The following EFNA5 variants were observed in gnomAD, a reference collection of about 807,000 sequenced individuals.
EFNA5 encodes ephrin-A5.
A neutral mutation model predicts 22.9 loss-of-function variants in EFNA5; 5 were observed. The observed-to-expected ratio is 0.22, with a 90% CI of 0.11 to 0.46. EFNA5 has a LOEUF of 0.46. Among genes scored for constraint, EFNA5 ranks in the 20% least tolerant of loss-of-function variants. The pLI, the probability that EFNA5 is intolerant of heterozygous loss-of-function variation, is 0.99. For synonymous variants in EFNA5, 113 were observed against 112.2 expected (o/e 1.01, Z -0.04); for missense variants, 237 against 293.3 (o/e 0.81, Z 1.40).
At chr5:107,539,386 G>A (rs1005921066) in intron 1 of EFNA5, among the ~76,000 whole-genome samples, 1 of 152,172 alleles carries the variant, frequency 6.6e-6, no homozygotes, top group African/African-American at 2.4e-5. Context: ...CTTAATCCAT[G>A]ACCACTACAA....
At chr5:107,393,691 GT>G (rs1375190285) in intron 2 of EFNA5, among the ~76,000 whole-genome samples, 4 of 152,110 alleles carry the variant, frequency 2.6e-5, no homozygotes, top group Non-Finnish European at 2.9e-5. Flanking sequence ...GCACGGCCCA[GT>G]TTTTTTCCCT....
chr5:107,523,296 CT>C (rs950722380), intron 1 of EFNA5, among the ~76,000 whole-genome samples: 45 of 146,124 alleles, frequency 3.1e-4, no homozygotes, highest in East Asian at 7.9e-4. Context: ...TATGTGCTTC[CT>C]TTTTTTTTTT....
intron 1 of EFNA5, among the ~76,000 whole-genome samples, chr5:107,648,702 A>ATGTC (rs1273524606): frequency 8.5e-5 from 13 of 152,174 alleles, no homozygotes; most frequent in South Asian, 2.1e-4. Context: ...AGTTGAATAT[A>ATGTC]TGTCACACAT....
At chr5:107,387,554 AT>A in intron 3 of EFNA5, 151 bp downstream of exon 3, 1 of 670,028 alleles carries the variant, frequency 1.5e-6, no homozygotes, top group South Asian at 2.0e-5. Context: ...ATGAGAAAAA[AT>A]ATGATGAAAA....
Position 107,411,377 on chromosome 5 carries a change from AG to A in EFNA5, c.418+15839del, listed in dbSNP as rs567085410. On this transcript the variant is annotated intron_variant, in intron 2 of 4. Coordinates refer to ENST00000333274, the MANE Select transcript of EFNA5 (RefSeq NM_001962.3). ...GAACTCCTCTTTCCTTATCTCATGC[AG>A]TCTTGGAGCTGTCGGTCAAAGTATT... Among the ~76,000 whole-genome samples the A allele has an allele frequency of 3.1e-3, 473 of 152,356 alleles. 1 individual carries two copies. Among genetic ancestry groups the A allele is most frequent in the Non-Finnish European group, 4.6e-3 (313 of 68,032 alleles).
At chr5:107,571,034 TTC>T (rs1291785433) in intron 1 of EFNA5, among the ~76,000 whole-genome samples, 3 of 151,846 alleles carry the variant, frequency 2.0e-5, no homozygotes, top group Non-Finnish European at 4.4e-5. Context: ...GCACTCTCTC[TTC>T]TCTCTCTCTC....
At chr5:107,459,515 A>G (rs567250311) in intron 1 of EFNA5, among the ~76,000 whole-genome samples, 1 of 152,166 alleles carries the variant, frequency 6.6e-6, no homozygotes, top group Non-Finnish European at 1.5e-5. Flanking sequence ...TGACACCCAG[A>G]AAGGTGAAGT....
intron 1 of EFNA5, among the ~76,000 whole-genome samples, chr5:107,648,671 G>A (rs1229870115): frequency 6.6e-6 from 1 of 152,110 alleles, no homozygotes; most frequent in Admixed American, 6.6e-5. Flanking sequence ...ACTCTGATAA[G>A]GGATGTTGGA....
At chr5:107,649,542 C>A (rs1048722466) in intron 1 of EFNA5, among the ~76,000 whole-genome samples, 9 of 152,026 alleles carry the variant, frequency 5.9e-5, no homozygotes, top group African/African-American at 1.9e-4. Flanking sequence ...ATTTTACATG[C>A]GTTTACTTTC....
intron 1 of EFNA5, among the ~76,000 whole-genome samples, chr5:107,438,761 C>G (rs1002365475): frequency 1.3e-5 from 2 of 152,128 alleles, no homozygotes; most frequent in African/African-American, 4.8e-5. Flanking sequence ...GGCCAGAATC[C>G]CTGGCATATC....
At chr5:107,630,446 T>C (rs1431681814) in intron 1 of EFNA5, among the ~76,000 whole-genome samples, 1 of 152,208 alleles carries the variant, frequency 6.6e-6, no homozygotes, top group African/African-American at 2.4e-5. Context: ...TGGTAAATAT[T>C]TGCATATCTA....
At chr5:107,511,321 C>G (rs757043758) in intron 1 of EFNA5, among the ~76,000 whole-genome samples, 1 of 151,960 alleles carries the variant, frequency 6.6e-6, no homozygotes, top group Non-Finnish European at 1.5e-5. Flanking sequence ...CCACTGCTCC[C>G]GGCACCATAG....
chr5:107,619,141 G>A (rs930197280), intron 1 of EFNA5, among the ~76,000 whole-genome samples: 1 of 151,776 alleles, frequency 6.6e-6, no homozygotes, highest in African/African-American at 2.4e-5. Flanking sequence ...TAGCCAGGAT[G>A]GTGTCTATCT....
chr5:107,570,242 G>T (rs1055714872), intron 1 of EFNA5, among the ~76,000 whole-genome samples: 1 of 152,226 alleles, frequency 6.6e-6, no homozygotes, highest in African/African-American at 2.4e-5. Context: ...CTGGCCTTCA[G>T]TTGGTTCCAA....
At chr5:107,483,666 A>C (rs1295156943) in intron 1 of EFNA5, among the ~76,000 whole-genome samples, 1 of 152,246 alleles carries the variant, frequency 6.6e-6, no homozygotes, top group Non-Finnish European at 1.5e-5. Flanking sequence ...CTTAACTTAC[A>C]AAAGTTTTAT....
intron 1 of EFNA5, among the ~76,000 whole-genome samples, chr5:107,540,869 C>G (rs698372): frequency 0.13 from 20,134 of 152,184 alleles, 1,550 homozygotes; most frequent in Middle Eastern, 0.34. Flanking sequence ...TGTAATCCAG[C>G]ACTTTGGGAG....
chr5:107,520,075 C>T (rs1014866390), intron 1 of EFNA5, among the ~76,000 whole-genome samples: 1 of 152,184 alleles, frequency 6.6e-6, no homozygotes, highest in African/African-American at 2.4e-5. Context: ...CAGTGTGTCA[C>T]CAGGGCAACT....
intron 2 of EFNA5, among the ~76,000 whole-genome samples, chr5:107,401,065 A>G (rs1482434908): frequency 2.0e-5 from 3 of 152,256 alleles, no homozygotes; most frequent in Non-Finnish European, 4.4e-5. Context: ...TAGCATATGA[A>G]AAGCCTGCAG....
intron 1 of EFNA5, among the ~76,000 whole-genome samples, chr5:107,516,044 G>A (rs62355604): frequency 0.083 from 12,572 of 152,042 alleles, 772 homozygotes; most frequent in African/African-American, 0.16. Context: ...TCACACTGTC[G>A]CCCACGCTGA....
Sources: gnomAD v4.1 joint callset for allele counts (sites outside exome capture counted in the v4.1 genomes callset) on GRCh38, gnomAD v4.1.1 for gene constraint, MANE v1.5 for transcripts, NCBI Gene and HGNC (gene_info 2026-07-23, HGNC 2026-07-21) for gene names.